Variants in PDE10A observed in about 807,000 individuals in gnomAD.
PDE10A encodes the protein cAMP and cAMP-inhibited cGMP 3',5'-cyclic phosphodiesterase 10A.
PDE10A carries 39 observed loss-of-function variants against 97.7 expected under a neutral mutation model. The ratio of observed to expected loss-of-function variants is 0.40; its 90% CI spans 0.31 to 0.52. PDE10A has a LOEUF of 0.52. Ranked by LOEUF, PDE10A falls within the 20% of genes least tolerant of loss-of-function variation. The pLI is 0.56. For synonymous variants in PDE10A, 371 were observed against 376.8 expected, an observed-to-expected ratio of 0.98 and a Z score of 0.18; for missense variants, 731 against 1,047.8, an observed-to-expected ratio of 0.70 and a Z score of 4.17.
chr6:165,707,550 C>T (rs1215542234), intron 1 of PDE10A, among the ~76,000 whole-genome samples: 1 of 152,136 alleles, frequency 6.6e-6, no homozygotes, highest in Admixed American at 6.5e-5. Flanking sequence ...ATTTTCATTG[C>T]TTTTCACCCT....
At chr6:165,369,232 T>G (rs1295546994) in intron 18 of PDE10A, among the ~76,000 whole-genome samples, 1 of 152,146 alleles carries the variant, frequency 6.6e-6, no homozygotes. Flanking sequence ...GGATGGAGAA[T>G]GACTTTGACG....
At chr6:165,588,007 C>G (rs759613051) in intron 1 of PDE10A, among the ~76,000 whole-genome samples, 34 of 152,276 alleles carry the variant, frequency 2.2e-4, no homozygotes, top group Non-Finnish European at 3.8e-4. Flanking sequence ...CTAGATGACT[C>G]TATTCTATTT....
chr6:165,771,524 C>T (rs1778008857), intron 1 of PDE10A, among the ~76,000 whole-genome samples: 1 of 152,112 alleles, frequency 6.6e-6, no homozygotes, highest in Non-Finnish European at 1.5e-5. Flanking sequence ...GAAAATCAAA[C>T]TTCTTTCCTC....
At chr6:165,448,152 T>C (rs570024736) in intron 5 of PDE10A, among the ~76,000 whole-genome samples, 31 of 152,106 alleles carry the variant, frequency 2.0e-4, no homozygotes, top group Non-Finnish European at 3.8e-4. Flanking sequence ...GCCTAACACA[T>C]AAGAAATGTG....
chr6:165,386,899 C>G (rs967718393), intron 17 of PDE10A, among the ~76,000 whole-genome samples: 2 of 151,326 alleles, frequency 1.3e-5, no homozygotes, highest in Non-Finnish European at 2.9e-5. Context: ...TCCTGTAGTT[C>G]CAGCTACTTG....
intron 1 of PDE10A, among the ~76,000 whole-genome samples, chr6:165,896,521 A>ATTTTT (rs35509574): frequency 9.5e-6 from 1 of 105,780 alleles, no homozygotes; most frequent in African/African-American, 3.9e-5. Context: ...ACGCCAGCTA[A>ATTTTT]TTTTTTTTTT....
chr6:165,448,473 G>C (rs1042292456), intron 5 of PDE10A, among the ~76,000 whole-genome samples: 27 of 152,198 alleles, frequency 1.8e-4, no homozygotes, highest in Admixed American at 5.2e-4. Flanking sequence ...AGGCAGCTTA[G>C]GGATCTAGAC....
intron 1 of PDE10A, among the ~76,000 whole-genome samples, chr6:165,982,833 ACAATCTT>A (rs1210288274): frequency 6.6e-6 from 1 of 152,250 alleles, no homozygotes; most frequent in African/African-American, 2.4e-5. Flanking sequence ...ACATTGTAAC[ACAATCTT>A]ATGTCCAAGT....
intron 1 of PDE10A, among the ~76,000 whole-genome samples, chr6:165,543,871 C>CGT (rs375765109): frequency 0.055 from 8,188 of 149,848 alleles, 249 homozygotes; most frequent in African/African-American, 0.066. Context: ...TTCATATATA[C>CGT]GTGTGTGTGT....
intron 1 of PDE10A, among the ~76,000 whole-genome samples, chr6:165,987,373 A>G (rs990279352): frequency 5.3e-5 from 8 of 152,004 alleles, no homozygotes; most frequent in Non-Finnish European, 7.4e-5. Context: ...CAAGCACAAC[A>G]CACCACACAC....
At chr6:165,492,132 A>G (rs567853083) in intron 2 of PDE10A, among the ~76,000 whole-genome samples, 11 of 152,322 alleles carry the variant, frequency 7.2e-5, no homozygotes, top group African/African-American at 2.6e-4. Context: ...ATTCCTGGAA[A>G]CATACAACCC....
chr6:165,362,193 A>G (rs1233838561), intron 18 of PDE10A, among the ~76,000 whole-genome samples: 3 of 152,176 alleles, frequency 2.0e-5, no homozygotes, highest in African/African-American at 7.2e-5. Context: ...ATTACAAAAG[A>G]AATACATGAA....
At chr6:165,907,442 G>A (rs553711260) in intron 1 of PDE10A, among the ~76,000 whole-genome samples, 5 of 152,356 alleles carry the variant, frequency 3.3e-5, no homozygotes, top group Non-Finnish European at 4.4e-5. Flanking sequence ...ATTCAGGTGC[G>A]AGTCACTTCA....
chr6:165,535,697 T>C (rs1250324206), intron 2 of PDE10A, among the ~76,000 whole-genome samples: 1 of 151,648 alleles, frequency 6.6e-6, no homozygotes, highest in Non-Finnish European at 1.5e-5. Flanking sequence ...TTGTGAATAG[T>C]GCTGCAATAA....
At position 165,655,987 on chromosome 6, in the gene PDE10A, C is replaced by T. The variant is rs975425600; in HGVS notation, c.865+5960G>A. On this transcript the variant is annotated intron_variant, in intron 1 of 21. Transcript: ENST00000539869. The surrounding 1 kb of genome is among the most constrained non-coding windows in gnomAD (Gnocchi z 4.5). Reference sequence around the variant, plus strand: ...CTGCCCCTGTGAAGAGAGACCTGCACAGAACAAGGCAAGGAGCCACACAGC... The same window carrying T: ...CTGCCCCTGTGAAGAGAGACCTGCATAGAACAAGGCAAGGAGCCACACAGC... Among the ~76,000 whole-genome samples, 1 of 152,068 alleles carries T rather than the reference C, an allele frequency of 6.6e-6. No homozygotes were observed. The highest frequency in any genetic ancestry group is 1.5e-5 in the Non-Finnish European group (1 of 68,020).
intron 17 of PDE10A, among the ~76,000 whole-genome samples, chr6:165,383,095 T>C (rs775723162): frequency 7.2e-5 from 11 of 152,160 alleles, no homozygotes; most frequent in Non-Finnish European, 1.5e-4. Context: ...AAAATGTTGG[T>C]ATAAATAGAT....
chr6:165,952,649 A>G (rs1399241063), intron 1 of PDE10A, among the ~76,000 whole-genome samples: 1 of 152,038 alleles, frequency 6.6e-6, no homozygotes, highest in Admixed American at 6.6e-5. Context: ...CACCTCTTCA[A>G]CTCCCCGCCT....
chr6:165,955,526 C>A (rs755782722), intron 1 of PDE10A, among the ~76,000 whole-genome samples: 1 of 152,166 alleles, frequency 6.6e-6, no homozygotes, highest in Non-Finnish European at 1.5e-5. Flanking sequence ...TGCCTGCTAC[C>A]ATTCTGCTGT....
At chr6:165,437,888 C>A (rs1790136174) in intron 5 of PDE10A, among the ~76,000 whole-genome samples, 1 of 152,128 alleles carries the variant, frequency 6.6e-6, no homozygotes, top group Non-Finnish European at 1.5e-5. Flanking sequence ...TTTTTAATAT[C>A]CATTTCTAAT....
Sources: gnomAD v4.1 joint callset for allele counts (sites outside exome capture counted in the v4.1 genomes callset) on GRCh38, gnomAD v4.1.1 for gene constraint, Gnocchi (gnomAD v3.1) non-coding constraint, MANE v1.5 for transcripts, NCBI Gene and HGNC (gene_info 2026-07-23, HGNC 2026-07-21) for gene names.